Variants in LRBA observed in about 807,000 individuals in gnomAD.
LRBA encodes LPS responsive beige-like anchor protein.
LRBA carries 176 observed loss-of-function variants against 330.0 expected under a neutral mutation model. That is an observed-to-expected ratio of 0.53 (90% CI 0.47 to 0.60). The LOEUF (loss-of-function observed/expected upper bound fraction) is 0.60. Ranked by LOEUF, LRBA falls within the 20% of genes least tolerant of loss-of-function variation. The pLI is 0.00. For missense variants in LRBA, 3,259 were observed against 3,444.8 expected (o/e 0.95, Z 1.35); for synonymous variants, 1,230 against 1,193.0 (o/e 1.03, Z -0.64).
Position 150,583,994 on chromosome 4 carries a change from CCAA to C in LRBA, c.6330+4051_6330+4053del. On this transcript the variant is annotated intron_variant, in intron 40 of 56. Coordinates refer to ENST00000651943, the MANE Select transcript of LRBA (RefSeq NM_001364905.1). The surrounding 1 kb of genome is among the most constrained non-coding windows in gnomAD (Gnocchi z 9.8). ...CGCCGCTGCCCTCACTACTTTCTGC[CCAA>C]CCTCGACCTCTTTCAGGGCAAGCCC... 6.2e-7 allele frequency: 1 copy of C among 1,614,166 alleles called. No homozygotes were observed. The highest frequency in any genetic ancestry group is 8.5e-7 in the Non-Finnish European group (1 of 1,180,016).
rs543348198 is a variant in LRBA, at chr4:150,400,384, T to C, written c.7194+15054A>G. On this transcript the variant is annotated intron_variant, in intron 47 of 56. Transcript: ENST00000651943. ...ATGTACAAGTGATCTGCTGCTGAGA[T>C]GCAGATTATATTTCTTCAAAAAAAC... is the stretch of plus-strand genomic sequence containing the variant. Among the ~76,000 whole-genome samples, 4 of 152,356 alleles carry C rather than the reference T, an allele frequency of 2.6e-5. No individual in the cohort carries two copies. In the East Asian group the frequency reaches 7.7e-4, roughly 29 times the overall value.
chr4:150,603,859 T>C (rs1040718215), intron 37 of LRBA, among the ~76,000 whole-genome samples: 1 of 152,138 alleles, frequency 6.6e-6, no homozygotes, highest in African/African-American at 2.4e-5. Context: ...CAGAATTTGA[T>C]AGATTATTAA....
intron 34 of LRBA, among the ~76,000 whole-genome samples, chr4:150,775,585 T>A (rs904403256): frequency 3.3e-5 from 5 of 151,034 alleles, no homozygotes; most frequent in Admixed American, 2.0e-4. Flanking sequence ...TTCCTATAGA[T>A]CTAAAGGACA....
At chr4:150,777,182 T>C (rs1737499423) in intron 34 of LRBA, among the ~76,000 whole-genome samples, 1 of 151,820 alleles carries the variant, frequency 6.6e-6, no homozygotes, top group Non-Finnish European at 1.5e-5. Context: ...TAGCCTCAAA[T>C]TCCTGACCTC....
intron 36 of LRBA, among the ~76,000 whole-genome samples, chr4:150,711,272 G>T (rs373083843): frequency 6.7e-6 from 1 of 149,600 alleles, no homozygotes. Flanking sequence ...GTCTCACTGT[G>T]TCACCCAGGA....
At chr4:150,468,246 G>A (rs1347502313) in intron 43 of LRBA, among the ~76,000 whole-genome samples, 3 of 151,930 alleles carry the variant, frequency 2.0e-5, no homozygotes, top group Non-Finnish European at 4.4e-5. Context: ...AAGTTTAAAT[G>A]ACTTAACCCT....
intron 34 of LRBA, among the ~76,000 whole-genome samples, chr4:150,788,124 G>A (rs1739341293): frequency 6.6e-6 from 1 of 152,054 alleles, no homozygotes; most frequent in African/African-American, 2.4e-5. Flanking sequence ...CCAGGCTGGA[G>A]CTCAGTGGCA....
intron 44 of LRBA, among the ~76,000 whole-genome samples, chr4:150,451,237 T>C (rs1023611796): frequency 2.0e-5 from 3 of 152,200 alleles, no homozygotes; most frequent in Non-Finnish European, 4.4e-5. Context: ...AGAACAATAC[T>C]TAACAACAGA....
intron 36 of LRBA, among the ~76,000 whole-genome samples, chr4:150,713,474 A>G (rs1786434126): frequency 6.6e-6 from 1 of 152,198 alleles, no homozygotes; most frequent in Admixed American, 6.5e-5. Flanking sequence ...CACTCAACAA[A>G]AGGAAATGAC....
At chr4:150,994,445 T>G (rs766053319) in intron 2 of LRBA, among the ~76,000 whole-genome samples, 1 of 152,244 alleles carries the variant, frequency 6.6e-6, no homozygotes, top group African/African-American at 2.4e-5. Context: ...ATGTATTTAT[T>G]AAGCACCTAC....
rs750551472 is a variant in LRBA at position 150,908,470 on chromosome 4, T to C, written c.1360-3A>G. On this transcript the variant is annotated splice_region_variant and splice_polypyrimidine_tract_variant and intron_variant, in intron 10 of 56. Transcript: ENST00000651943. The stretch of plus-strand genomic sequence containing the variant: ...TGTGTTAAAACTGCCTTTACATCCT[T>C]GTAAGATCAAAAACACAGTAAAGAG... 1 of 1,585,258 alleles carries C rather than the reference T, an allele frequency of 6.3e-7. No homozygotes were observed. Among genetic ancestry groups the C allele is most frequent in the African/African-American group, 1.4e-5 (1 of 73,114 alleles).
At chr4:150,915,485 T>A in intron 8 of LRBA, 123 bp downstream of exon 8, 2 of 791,912 alleles carry the variant, frequency 2.5e-6, no homozygotes, top group Non-Finnish European at 3.8e-6. Context: ...CCAAATTATG[T>A]TTATAAAAAT....
At chr4:150,730,637 C>T (rs1270539157) in intron 36 of LRBA, among the ~76,000 whole-genome samples, 5 of 139,488 alleles carry the variant, frequency 3.6e-5, no homozygotes, top group South Asian at 2.2e-4. Flanking sequence ...GAGCCAAGAT[C>T]GCATCACTGC....
intron 17 of LRBA, among the ~76,000 whole-genome samples, chr4:150,883,373 TC>T (rs1368389095): frequency 1.9e-4 from 29 of 152,174 alleles, no homozygotes; most frequent in African/African-American, 6.7e-4. Flanking sequence ...GGCAGGACAA[TC>T]ACTTGAACCT....
chr4:150,678,556 T>C (rs948380630), intron 37 of LRBA, among the ~76,000 whole-genome samples: 1 of 152,206 alleles, frequency 6.6e-6, no homozygotes, highest in Non-Finnish European at 1.5e-5. Context: ...CTTTCAAAAA[T>C]ATACCTGTTT....
intron 35 of LRBA, among the ~76,000 whole-genome samples, chr4:150,750,799 A>G (rs529482401): frequency 8.9e-4 from 135 of 151,714 alleles, no homozygotes; most frequent in East Asian, 1.7e-3. Flanking sequence ...TGTTTATAGA[A>G]TATCTTATAA....
chr4:150,901,570 A>G (rs1296305831), intron 13 of LRBA, among the ~76,000 whole-genome samples: 1 of 152,204 alleles, frequency 6.6e-6, no homozygotes. Context: ...TCAAACCTGC[A>G]AGGTACCTCA....
intron 40 of LRBA, among the ~76,000 whole-genome samples, chr4:150,556,173 A>T (rs1370039571): frequency 6.6e-6 from 1 of 152,150 alleles, no homozygotes; most frequent in Non-Finnish European, 1.5e-5. Context: ...GACCTGAAAA[A>T]TGAATATGGA....
chr4:150,329,634 C>T (rs1299032756), intron 48 of LRBA, among the ~76,000 whole-genome samples: 2 of 152,130 alleles, frequency 1.3e-5, no homozygotes, highest in Non-Finnish European at 2.9e-5. Flanking sequence ...CAAACTCTGC[C>T]CCTATCTGAA....
Sources: allele counts gnomAD v4.1 joint callset (sites outside exome capture counted in the v4.1 genomes callset), GRCh38; gene constraint gnomAD v4.1.1; non-coding constraint Gnocchi (gnomAD v3.1); transcripts MANE v1.5; gene names NCBI Gene and HGNC (gene_info 2026-07-23, HGNC 2026-07-21).